The following KCNH1 variants were observed in gnomAD, a reference collection of about 807,000 sequenced individuals.
The protein encoded by KCNH1 is potassium voltage-gated channel subfamily H member 1.
KCNH1 carries 27 observed loss-of-function variants against 69.2 expected under a neutral mutation model. That is an observed-to-expected ratio of 0.39 (90% CI 0.29 to 0.54). The LOEUF is 0.54. KCNH1 is among the 20% of genes least tolerant of loss of function. KCNH1 has a pLI of 0.68. For synonymous variants in KCNH1, 456 were observed against 487.7 expected, an observed-to-expected ratio of 0.93 and a Z score of 0.86; for missense variants, 798 against 1,261.6, an observed-to-expected ratio of 0.63 and a Z score of 5.57.
At chr1:210,846,786 A>G (rs542278093) in intron 7 of KCNH1, among the ~76,000 whole-genome samples, 2,798 of 152,148 alleles carry the variant, frequency 0.018, 84 homozygotes, top group African/African-American at 0.063. Context: ...CATCAGAGTG[A>G]ACAGGCAACC....
At position 210,902,334 on chromosome 1, in the gene KCNH1, T is replaced by A. The variant is rs370580063; in HGVS notation, c.1462+17306A>T. 3.3e-5 allele frequency among the ~76,000 whole-genome samples: 5 copies of A among 152,332 alleles called. No individual in the cohort carries two copies. The East Asian group carries it at 9.6e-4, about 29-fold the overall frequency. On this transcript the variant is annotated intron_variant, in intron 7 of 10. Coordinates refer to ENST00000271751, the MANE Select transcript of KCNH1 (RefSeq NM_172362.3). ...CCAGAGGGTCTCAAGCAATGGACACTGCAGGAAAAAGAGAACAAATTAAGA... is the reference window on the plus strand; with the variant it reads ...CCAGAGGGTCTCAAGCAATGGACACAGCAGGAAAAAGAGAACAAATTAAGA...
chr1:210,741,546 C>T (rs897892389), intron 10 of KCNH1, among the ~76,000 whole-genome samples: 2 of 152,186 alleles, frequency 1.3e-5, no homozygotes, highest in Non-Finnish European at 2.9e-5. Context: ...AGGCCATTTT[C>T]CTTCTGGGGA....
At position 210,773,268 on chromosome 1, in the gene KCNH1, G is replaced by T. The variant is rs182510560; in HGVS notation, c.2112+2080C>A. Among the ~76,000 whole-genome samples the T allele has an allele frequency of 3.1e-3, 471 of 152,202 alleles. 5 individuals are homozygous for T. The highest frequency in any genetic ancestry group is 3.7e-3 in the Non-Finnish European group (250 of 68,006). On this transcript the variant is annotated intron_variant, in intron 10 of 10. Coordinates refer to ENST00000271751, the MANE Select transcript of KCNH1 (RefSeq NM_172362.3). ...CCCACCCTCCACTAGAATTTAAATGGCCAGGTTTCAAACCACAGAACTATA... is the reference window on the plus strand; with the variant it reads ...CCCACCCTCCACTAGAATTTAAATGTCCAGGTTTCAAACCACAGAACTATA...
At chr1:210,839,207 C>T (rs1469399117) in intron 7 of KCNH1, among the ~76,000 whole-genome samples, 1 of 152,170 alleles carries the variant, frequency 6.6e-6, no homozygotes, top group East Asian at 1.9e-4. Flanking sequence ...GGTACATATA[C>T]ACCATGGAAT....
chr1:210,902,414 A>G (rs1187520520), intron 7 of KCNH1, among the ~76,000 whole-genome samples: 1 of 152,186 alleles, frequency 6.6e-6, no homozygotes, highest in Non-Finnish European at 1.5e-5. Context: ...GTGGCCAAAA[A>G]CACCATCTGG....
chr1:211,084,060 G>A (rs568441418), intron 4 of KCNH1, among the ~76,000 whole-genome samples: 1 of 152,288 alleles, frequency 6.6e-6, no homozygotes, highest in East Asian at 1.9e-4. Flanking sequence ...CCACCCTGAT[G>A]CCACAAAGCA....
chr1:210,949,354 CT>C (rs1056502021), intron 6 of KCNH1, among the ~76,000 whole-genome samples: 2 of 152,198 alleles, frequency 1.3e-5, no homozygotes, highest in African/African-American at 2.4e-5. Flanking sequence ...TTTCCGATGT[CT>C]TTAACCCTGT....
intron 6 of KCNH1, among the ~76,000 whole-genome samples, chr1:210,991,836 G>T (rs1688944460): frequency 6.6e-6 from 1 of 152,154 alleles, no homozygotes; most frequent in African/African-American, 2.4e-5. Context: ...CCTTAGCACT[G>T]CCAGTCTGGT....
chr1:210,800,593 A>C (rs1684408024), intron 8 of KCNH1, among the ~76,000 whole-genome samples: 1 of 152,168 alleles, frequency 6.6e-6, no homozygotes, highest in Admixed American at 6.5e-5. Context: ...CACAGCCATC[A>C]GTCATTTCCA....
chr1:210,941,711 C>T (rs1386230143), intron 6 of KCNH1, among the ~76,000 whole-genome samples: 1 of 152,098 alleles, frequency 6.6e-6, no homozygotes, highest in Non-Finnish European at 1.5e-5. Context: ...GTGGACTTGG[C>T]CCCATGATGT....
At chr1:211,086,125 C>G (rs1259632534) in intron 4 of KCNH1, among the ~76,000 whole-genome samples, 1 of 152,194 alleles carries the variant, frequency 6.6e-6, no homozygotes, top group Non-Finnish European at 1.5e-5. Context: ...TGTCTAGCAC[C>G]TAGCACGAGG....
intron 7 of KCNH1, among the ~76,000 whole-genome samples, chr1:210,917,124 C>G (rs1687350257): frequency 6.7e-6 from 1 of 149,700 alleles, no homozygotes; most frequent in Admixed American, 6.7e-5. Flanking sequence ...GCAGCCTGGG[C>G]AACAGAGTGA....
intron 5 of KCNH1, among the ~76,000 whole-genome samples, chr1:211,021,423 C>A (rs1246983454): frequency 1.3e-5 from 2 of 152,098 alleles, no homozygotes; most frequent in African/African-American, 4.8e-5. Context: ...GACAAGAATG[C>A]CCATTTTCAC....
At chr1:211,019,351 A>G (rs893116539) in intron 5 of KCNH1, 95 bp from the exon 6 acceptor site, 2 of 750,274 alleles carry the variant, frequency 2.7e-6, no homozygotes, top group Non-Finnish European at 4.4e-6. Flanking sequence ...TGGTCACAAT[A>G]CTCTGGATAA....
intron 7 of KCNH1, among the ~76,000 whole-genome samples, chr1:210,886,387 G>A (rs1483602652): frequency 6.6e-5 from 10 of 152,082 alleles, no homozygotes; most frequent in Non-Finnish European, 1.3e-4. Context: ...AATCCCATTC[G>A]AAGGTCACCA....
At chr1:211,113,507 CTT>C (rs1319080828) in intron 1 of KCNH1, among the ~76,000 whole-genome samples, 1 of 152,138 alleles carries the variant, frequency 6.6e-6, no homozygotes, top group Non-Finnish European at 1.5e-5. Context: ...CTTCTTAAAA[CTT>C]AGTGTGCTGG....
At chr1:210,771,056 C>T (rs776628378) in intron 10 of KCNH1, among the ~76,000 whole-genome samples, 10 of 152,194 alleles carry the variant, frequency 6.6e-5, no homozygotes, top group Non-Finnish European at 1.0e-4. Flanking sequence ...CGTACTGATA[C>T]TGTGACGTAG....
intron 5 of KCNH1, among the ~76,000 whole-genome samples, chr1:211,039,949 G>A (rs571181350): frequency 7.2e-5 from 11 of 152,292 alleles, no homozygotes; most frequent in African/African-American, 2.6e-4. Flanking sequence ...CAGCACTTTG[G>A]GAGGCTGAGG....
chr1:210,873,666 T>C (rs1423552870), intron 7 of KCNH1, among the ~76,000 whole-genome samples: 1 of 152,014 alleles, frequency 6.6e-6, no homozygotes, highest in African/African-American at 2.4e-5. Context: ...GGCCCAGCCC[T>C]AGGGTTCCCA....
Sources: allele counts gnomAD v4.1 joint callset (sites outside exome capture counted in the v4.1 genomes callset), GRCh38; gene constraint gnomAD v4.1.1; transcripts MANE v1.5; gene names NCBI Gene and HGNC (gene_info 2026-07-23, HGNC 2026-07-21).